SOAT1: variants seen among roughly 807,000 people sequenced by gnomAD.
SOAT1 encodes acyl-coenzyme A:cholesterol acyltransferase 1.
A neutral mutation model predicts 69.5 loss-of-function variants in SOAT1; 55 were observed. The observed-to-expected ratio is 0.79, with a 90% CI of 0.64 to 0.99. SOAT1 has a LOEUF of 0.99. Ranked by LOEUF, SOAT1 falls within the 50% of genes least tolerant of loss-of-function variation. SOAT1 has a pLI of 0.00. For synonymous variants in SOAT1, 231 were observed against 224.7 expected (o/e 1.03, Z -0.25); for missense variants, 580 against 669.3 (o/e 0.87, Z 1.47).
intron 2 of SOAT1, among the ~76,000 whole-genome samples, chr1:179,310,747 A>T (rs1357098511): frequency 6.6e-6 from 1 of 152,358 alleles, no homozygotes; most frequent in African/African-American, 2.4e-5. Flanking sequence ...TTTAGAAAAC[A>T]ATCAGGATTT....
chr1:179,351,720 A>ATTTTTTTTTTTTTTT (rs1558061106), intron 15 of SOAT1, among the ~76,000 whole-genome samples: 2 of 43,486 alleles, frequency 4.6e-5, no homozygotes, highest in African/African-American at 1.9e-4. Flanking sequence ...AGCCCCTTCT[A>ATTTTTTTTTTTTTTT]ATTTTTTTTT....
intron 4 of SOAT1, among the ~76,000 whole-genome samples, chr1:179,336,652 A>C (rs1294945238): frequency 6.6e-6 from 1 of 152,160 alleles, no homozygotes; most frequent in African/African-American, 2.4e-5. Flanking sequence ...AATGTCCAAA[A>C]TTACATAGCA....
chr1:179,355,208 A>G lies in SOAT1; in HGVS notation c.*1567A>G, dbSNP rs1666868844. 1 of 152,216 alleles carries G rather than the reference A, an allele frequency of 6.6e-6. No homozygotes were observed. Among genetic ancestry groups the G allele is most frequent in the Non-Finnish European group, 1.5e-5 (1 of 68,038 alleles). 9.4% of individuals were successfully genotyped at this position (152,216 alleles called of 1,614,324 possible). Reference sequence around the variant, plus strand: ...TGTTCCCGCAGTAATGTTCTGCACAACAGTATTGTAATTGTAATGGAATCA... The same window carrying G: ...TGTTCCCGCAGTAATGTTCTGCACAGCAGTATTGTAATTGTAATGGAATCA... On this transcript the variant is annotated 3_prime_UTR_variant, in exon 16 of 16. Transcript: ENST00000367619.
Position 179,337,874 on chromosome 1 carries a change from A to G in SOAT1, c.367A>G (p.Ile123Val), listed in dbSNP as rs1666211658. Residue 123 changes from isoleucine (I) to valine (V), a missense_variant, in exon 5 of 16, where the codon ATT becomes GTT. By Grantham distance (29) the Ile-to-Val change is conservative. Coordinates refer to ENST00000367619, the MANE Select transcript of SOAT1 (RefSeq NM_003101.6). ...ACCTCCAGAACAAGGAAAGATTTTTATTGCAAGGCGCTCTCTCTTAGAGTG... is the reference window on the plus strand; with the variant it reads ...ACCTCCAGAACAAGGAAAGATTTTTGTTGCAAGGCGCTCTCTCTTAGAGTG... Reference protein sequence around the residue: ...RAPPEQGKIFIARRSLLDELL... With the variant: ...RAPPEQGKIFVARRSLLDELL... 6.2e-7 allele frequency: 1 copy of G among 1,610,210 alleles called. No individual in the cohort carries two copies. Among genetic ancestry groups the G allele is most frequent in the South Asian group, 1.1e-5 (1 of 90,504 alleles).
Position 179,339,436 on chromosome 1 carries a change from A to G in SOAT1, c.390-2A>G. On this transcript the variant is annotated splice_acceptor_variant, in intron 5 of 15. Transcript: ENST00000367619. LOFTEE classifies it high-confidence loss of function. ...CTTGTTTTGTTTGAACTACATTTAC[A>G]GTGAACTGCTTGAAGTGGACCACAT... 2 of 1,584,482 alleles carry G rather than the reference A, an allele frequency of 1.3e-6. No individual in the cohort carries two copies. The highest frequency in any genetic ancestry group is 1.7e-6 in the Non-Finnish European group (2 of 1,164,616).
At chr1:179,315,563 C>T (rs1665363133) in intron 2 of SOAT1, among the ~76,000 whole-genome samples, 2 of 151,948 alleles carry the variant, frequency 1.3e-5, no homozygotes, top group Non-Finnish European at 2.9e-5. Flanking sequence ...TTAAGAATTT[C>T]TTTGTAATAT....
chr1:179,313,578 A>G (rs975331868), intron 2 of SOAT1, among the ~76,000 whole-genome samples: 1 of 151,106 alleles, frequency 6.6e-6, no homozygotes, highest in African/African-American at 2.4e-5. Flanking sequence ...ATGTGTGTAT[A>G]TATATGTATA....
chr1:179,296,524 T>G (rs147035509), intron 1 of SOAT1, among the ~76,000 whole-genome samples: 1 of 152,338 alleles, frequency 6.6e-6, no homozygotes, highest in Admixed American at 6.5e-5. Flanking sequence ...AATAAGAGAT[T>G]ATACTAACCA....
At chr1:179,301,078 C>G (rs955308765) in intron 1 of SOAT1, among the ~76,000 whole-genome samples, 1 of 151,978 alleles carries the variant, frequency 6.6e-6, no homozygotes. Context: ...CTGGGCAAAG[C>G]GATACTCCTT....
chr1:179,312,793 G>T (rs149286961), intron 2 of SOAT1, among the ~76,000 whole-genome samples: 1 of 152,106 alleles, frequency 6.6e-6, no homozygotes, highest in Non-Finnish European at 1.5e-5. Context: ...CCCTTTACCC[G>T]CTTTGCCCTT....
At chr1:179,334,743 C>T (rs970899579) in intron 3 of SOAT1, among the ~76,000 whole-genome samples, 4 of 151,992 alleles carry the variant, frequency 2.6e-5, no homozygotes, top group African/African-American at 4.8e-5. Flanking sequence ...GGGCCAGGTG[C>T]GGTGGCTTGT....
At chr1:179,351,508 CTGTT>C (rs759065202) in intron 15 of SOAT1, 46 bp downstream of exon 15, 62 of 1,594,506 alleles carry the variant, frequency 3.9e-5, no homozygotes, top group East Asian at 1.6e-4. Context: ...TGTTTATTCT[CTGTT>C]TGTGAGAGTT....
intron 2 of SOAT1, among the ~76,000 whole-genome samples, chr1:179,318,342 G>A (rs958008024): frequency 5.3e-5 from 8 of 152,130 alleles, no homozygotes; most frequent in Non-Finnish European, 1.2e-4. Flanking sequence ...AGCTCAGTAT[G>A]CACCATACAT....
chr1:179,301,958 A>G (rs564906447), intron 1 of SOAT1, among the ~76,000 whole-genome samples: 3 of 150,494 alleles, frequency 2.0e-5, no homozygotes, highest in South Asian at 2.1e-4. Flanking sequence ...TGTTTTTACC[A>G]TTGACTTTGT....
intron 2 of SOAT1, among the ~76,000 whole-genome samples, chr1:179,303,723 T>C (rs1229918182): frequency 6.6e-6 from 1 of 152,252 alleles, no homozygotes; most frequent in Non-Finnish European, 1.5e-5. Flanking sequence ...CATATTTATA[T>C]GGCATATGGG....
At chr1:179,296,017 G>A (rs1338286463) in intron 1 of SOAT1, among the ~76,000 whole-genome samples, 4 of 116,794 alleles carry the variant, frequency 3.4e-5, no homozygotes, top group South Asian at 2.7e-4. Context: ...AGACTGATCA[G>A]ATCTTACTGG....
At chr1:179,335,469 T>C in intron 3 of SOAT1, 37 bp from the exon 4 acceptor site, 2 of 1,576,070 alleles carry the variant, frequency 1.3e-6, no homozygotes. Flanking sequence ...CAAGCATGTA[T>C]TAGTTCCCCA....
chr1:179,347,795 C>T, intron 12 of SOAT1, 98 bp downstream of exon 12: 1 of 683,926 alleles, frequency 1.5e-6, no homozygotes, highest in Non-Finnish European at 2.5e-6. Flanking sequence ...GCCTTTCACA[C>T]AAACATTGTG....
At chr1:179,301,372 T>C (rs780549099) in intron 1 of SOAT1, among the ~76,000 whole-genome samples, 1 of 152,256 alleles carries the variant, frequency 6.6e-6, no homozygotes, top group Non-Finnish European at 1.5e-5. Context: ...TTGACTCCTG[T>C]CCTCCTTTCT....
Sources: allele counts gnomAD v4.1 joint callset (sites outside exome capture counted in the v4.1 genomes callset), GRCh38; gene constraint gnomAD v4.1.1; transcripts MANE v1.5; gene names NCBI Gene and HGNC (gene_info 2026-07-23, HGNC 2026-07-21).